ZFPM2: variants seen among roughly 807,000 people sequenced by gnomAD.
The protein encoded by ZFPM2 is zinc finger protein ZFPM2.
A neutral mutation model predicts 98.6 loss-of-function variants in ZFPM2; 20 were observed. The observed-to-expected ratio is 0.20, with a 90% CI of 0.14 to 0.29. The LOEUF (loss-of-function observed/expected upper bound fraction) is 0.29. Among genes scored for constraint, ZFPM2 ranks in the 10% least tolerant of loss-of-function variants. ZFPM2 has a pLI of 1.00. For synonymous variants in ZFPM2, 518 were observed against 502.7 expected, an observed-to-expected ratio of 1.03 and a Z score of -0.41; for missense variants, 1,310 against 1,388.6, an observed-to-expected ratio of 0.94 and a Z score of 0.90.
At chr8:105,319,548 A>C (rs940089156) in intron 1 of ZFPM2, 1 of 152,504 alleles carries the variant, frequency 6.6e-6, no homozygotes, top group African/African-American at 2.4e-5. Context: ...TAGGTGTAAA[A>C]GTTCGCGCCT....
chr8:105,763,056 C>CTTTTTTTTTTTTTTTTTTTTTTTTTTTT (rs11453125), intron 5 of ZFPM2, among the ~76,000 whole-genome samples: 2 of 142,004 alleles, frequency 1.4e-5, no homozygotes, highest in African/African-American at 2.6e-5. Flanking sequence ...GACTTTATTT[C>CTTTTTTTTTTTTTTTTTTTTTTTTTTTT]TTTCTTTTTT....
At chr8:105,724,114 A>G (rs553675209) in intron 5 of ZFPM2, among the ~76,000 whole-genome samples, 3 of 152,006 alleles carry the variant, frequency 2.0e-5, no homozygotes, top group Non-Finnish European at 2.9e-5. Flanking sequence ...TAAAAAAATC[A>G]TATTAGATCT....
At chr8:105,404,039 ACAACAG>A (rs1456632483) in intron 1 of ZFPM2, among the ~76,000 whole-genome samples, 1,712 of 141,208 alleles carry the variant, frequency 0.012, 36 homozygotes, top group African/African-American at 0.042. Context: ...AACAACAACA[ACAACAG>A]CAGCATAGAT....
intron 4 of ZFPM2, among the ~76,000 whole-genome samples, chr8:105,570,911 A>T (rs1190125378): frequency 1.3e-5 from 2 of 152,200 alleles, no homozygotes; most frequent in Non-Finnish European, 2.9e-5. Context: ...AATTATTTTT[A>T]CAAGATTATT....
At chr8:105,529,933 G>A (rs907366471) in intron 3 of ZFPM2, among the ~76,000 whole-genome samples, 2 of 152,016 alleles carry the variant, frequency 1.3e-5, no homozygotes, top group African/African-American at 4.8e-5. Flanking sequence ...GTTTCACCAT[G>A]TTGGTCAGGC....
chr8:105,783,679 G>A (rs1813328740), intron 5 of ZFPM2, among the ~76,000 whole-genome samples: 1 of 152,244 alleles, frequency 6.6e-6, no homozygotes, highest in South Asian at 2.1e-4. Context: ...TCAGTACAAT[G>A]TCCTCAAGCT....
intron 1 of ZFPM2, among the ~76,000 whole-genome samples, chr8:105,322,320 G>T (rs926769282): frequency 6.6e-6 from 1 of 152,036 alleles, no homozygotes; most frequent in African/African-American, 2.4e-5. Flanking sequence ...TAAATGTGTT[G>T]TGTGTGCAGT....
intron 5 of ZFPM2, among the ~76,000 whole-genome samples, chr8:105,667,334 A>G (rs988582165): frequency 6.6e-6 from 1 of 152,204 alleles, no homozygotes; most frequent in Non-Finnish European, 1.5e-5. Context: ...ATATGATGAA[A>G]TGTACCAACA....
At chr8:105,436,832 T>C (rs1460038751) in intron 2 of ZFPM2, among the ~76,000 whole-genome samples, 1 of 152,218 alleles carries the variant, frequency 6.6e-6, no homozygotes, top group African/African-American at 2.4e-5. Flanking sequence ...TTTAGCAATA[T>C]ACCTAGTGCT....
chr8:105,431,172 T>A (rs1321945294), intron 2 of ZFPM2, among the ~76,000 whole-genome samples: 1 of 152,042 alleles, frequency 6.6e-6, no homozygotes, highest in Non-Finnish European at 1.5e-5. Context: ...CTTCCCAAAG[T>A]GCTGGGGTTA....
intron 5 of ZFPM2, among the ~76,000 whole-genome samples, chr8:105,744,508 G>A (rs1401834719): frequency 2.6e-5 from 4 of 152,040 alleles, no homozygotes. Flanking sequence ...AGTGAGAAAG[G>A]CAGATACTAA....
chr8:105,397,159 T>G (rs1811239640), intron 1 of ZFPM2, among the ~76,000 whole-genome samples: 1 of 152,158 alleles, frequency 6.6e-6, no homozygotes, highest in East Asian at 1.9e-4. Context: ...TCCCCCTCTA[T>G]CATATCTTAT....
At chr8:105,775,137 A>C (rs945935857) in intron 5 of ZFPM2, among the ~76,000 whole-genome samples, 2 of 152,006 alleles carry the variant, frequency 1.3e-5, no homozygotes, top group African/African-American at 4.8e-5. Flanking sequence ...TGACAAAGGA[A>C]TAGAGAGGTT....
intron 4 of ZFPM2, among the ~76,000 whole-genome samples, chr8:105,607,930 C>T (rs1238243841): frequency 3.9e-5 from 6 of 152,068 alleles, no homozygotes; most frequent in Middle Eastern, 3.4e-3. Context: ...ACCAAATATA[C>T]GGAATCAGTG....
intron 1 of ZFPM2, among the ~76,000 whole-genome samples, chr8:105,343,949 C>G (rs537276029): frequency 2.8e-4 from 43 of 152,198 alleles, no homozygotes; most frequent in Non-Finnish European, 5.1e-4. Context: ...GTTTAATGGA[C>G]TCACAGTTCC....
At chr8:105,584,036 C>T (rs187598751) in intron 4 of ZFPM2, among the ~76,000 whole-genome samples, 2 of 152,060 alleles carry the variant, frequency 1.3e-5, no homozygotes, top group African/African-American at 4.8e-5. Flanking sequence ...AATGGTTTAT[C>T]GTATTTTTCT....
chr8:105,597,685 A>T (rs2130777681), intron 4 of ZFPM2, among the ~76,000 whole-genome samples: 1 of 152,252 alleles, frequency 6.6e-6, no homozygotes, highest in Middle Eastern at 3.4e-3. Flanking sequence ...TTAATTTAGT[A>T]ATAAAAAGGA....
chr8:105,500,843 G>A (rs553494195), intron 3 of ZFPM2, among the ~76,000 whole-genome samples: 39 of 152,100 alleles, frequency 2.6e-4, no homozygotes, highest in South Asian at 1.2e-3. Flanking sequence ...TGATTCAGAC[G>A]AAAGCTAAGG....
rs548045574 is a variant in ZFPM2 at position 105,448,498 on chromosome 8, C to T, written c.301+4117C>T. On this transcript the variant is annotated intron_variant, in intron 3 of 7. Transcript: ENST00000407775. ...CACTTGGGAGAAGTTCAAGGTGTAA[C>T]ATCATGCTGTCTGTATTCTCATTTT... Among the ~76,000 whole-genome samples, 5 of 152,054 alleles carry T rather than the reference C, an allele frequency of 3.3e-5. No homozygotes were observed. The East Asian group carries it at 9.7e-4, about 29-fold the overall frequency.
Sources: gnomAD v4.1 joint callset for allele counts (sites outside exome capture counted in the v4.1 genomes callset) on GRCh38, gnomAD v4.1.1 for gene constraint, MANE v1.5 for transcripts, NCBI Gene and HGNC (gene_info 2026-07-23, HGNC 2026-07-21) for gene names.